The following IGF1R variants were observed in gnomAD, a reference collection of about 807,000 sequenced individuals.
IGF1R encodes the protein insulin like growth factor 1 receptor.
Under a neutral mutation model 144.6 loss-of-function variants are expected in IGF1R, and 44 were observed. That is an observed-to-expected ratio of 0.30 (90% CI 0.24 to 0.39). The LOEUF (loss-of-function observed/expected upper bound fraction) is 0.39. Ranked by LOEUF, IGF1R falls within the 10% of genes least tolerant of loss-of-function variation. The pLI, the probability that IGF1R is intolerant of heterozygous loss-of-function variation, is 1.00. For missense variants in IGF1R, 1,355 were observed against 1,833.7 expected, an observed-to-expected ratio of 0.74 and a Z score of 4.77; for synonymous variants, 795 against 722.8, an observed-to-expected ratio of 1.10 and a Z score of -1.60.
At chr15:98,703,781 T>C (rs1020279617) in intron 1 of IGF1R, among the ~76,000 whole-genome samples, 1 of 152,218 alleles carries the variant, frequency 6.6e-6, no homozygotes. Context: ...TGCATTTTGA[T>C]TGCAGTATGA....
At position 98,957,044 on chromosome 15, in the gene IGF1R, G is replaced by A. The variant is rs372049648; in HGVS notation, c.3723-17G>A. The A allele has an allele frequency of 1.4e-4, 231 of 1,613,862 alleles. No homozygotes were observed. The highest frequency in any genetic ancestry group is 1.8e-4 in the Non-Finnish European group (207 of 1,180,034). On this transcript the variant is annotated splice_polypyrimidine_tract_variant and intron_variant, in intron 20 of 20. Transcript: ENST00000650285. ...GCCCTCCCGGTTTGGACCCCCTCCCGTGTGTCTTGGCTGCAGGTTTGAACT... is the reference window on the plus strand; with the variant it reads ...GCCCTCCCGGTTTGGACCCCCTCCCATGTGTCTTGGCTGCAGGTTTGAACT...
intron 2 of IGF1R, among the ~76,000 whole-genome samples, chr15:98,750,920 C>G (rs2054994650): frequency 6.6e-6 from 1 of 152,100 alleles, no homozygotes; most frequent in East Asian, 1.9e-4. Flanking sequence ...TCCCGAGTAG[C>G]TGGGACTACA....
intron 13 of IGF1R, among the ~76,000 whole-genome samples, chr15:98,928,663 CTCTCCCTTCCTCTCT>C (rs2015820620): frequency 6.6e-6 from 1 of 152,182 alleles, no homozygotes; most frequent in Admixed American, 6.5e-5. Flanking sequence ...CCCTTCTCTC[CTCTCCCTTCCTCTCT>C]GAATTGTTGC....
At chr15:98,874,580 G>C (rs2012957968) in intron 2 of IGF1R, among the ~76,000 whole-genome samples, 1 of 152,220 alleles carries the variant, frequency 6.6e-6, no homozygotes, top group Non-Finnish European at 1.5e-5. Context: ...GGGGACCTGG[G>C]TGTTTAACCC....
rs398028503 is a variant in IGF1R, at chr15:98,680,879, T to TTTA, written c.95-26683_95-26682insTTA. On this transcript the variant is annotated intron_variant, in intron 1 of 20. Coordinates refer to ENST00000650285, the MANE Select transcript of IGF1R (RefSeq NM_000875.5). ...GCCATATGTACTTTTTTTTTTTTTT[T>TTTA]ATCCTTCTTACTATATTTTTATTGT... 6.7e-5 allele frequency among the ~76,000 whole-genome samples: 10 copies of TTTA among 149,376 alleles called. No individual in the cohort carries two copies. In the East Asian group the frequency reaches 1.4e-3, roughly 20 times the overall value.
At chr15:98,919,642 T>G (rs1338467694) in intron 10 of IGF1R, among the ~76,000 whole-genome samples, 2 of 152,242 alleles carry the variant, frequency 1.3e-5, no homozygotes, top group Admixed American at 6.5e-5. Flanking sequence ...CCCCGAGTCC[T>G]TCCTTTCTCT....
intron 2 of IGF1R, among the ~76,000 whole-genome samples, chr15:98,785,654 C>A (rs2055975156): frequency 6.6e-6 from 1 of 152,104 alleles, no homozygotes; most frequent in South Asian, 2.1e-4. Flanking sequence ...TTTGGAAGTA[C>A]TTTGAAGATT....
intron 1 of IGF1R, among the ~76,000 whole-genome samples, chr15:98,655,622 T>C (rs192448692): frequency 2.3e-4 from 35 of 151,928 alleles, no homozygotes; most frequent in Non-Finnish European, 1.2e-4. Context: ...CGTCAAACTA[T>C]AGATGTTACT....
At chr15:98,670,195 T>A (rs2052852721) in intron 1 of IGF1R, among the ~76,000 whole-genome samples, 1 of 152,088 alleles carries the variant, frequency 6.6e-6, no homozygotes, top group African/African-American at 2.4e-5. Flanking sequence ...TGGAACCAGA[T>A]GCTTTTATGA....
At chr15:98,744,287 A>G (rs2054813838) in intron 2 of IGF1R, among the ~76,000 whole-genome samples, 1 of 151,858 alleles carries the variant, frequency 6.6e-6, no homozygotes. Flanking sequence ...CCAGGGAGAG[A>G]GGAGGGTTTT....
intron 2 of IGF1R, among the ~76,000 whole-genome samples, chr15:98,763,044 C>CAAAAAAAAAAAAAAAAAAACAACAAAA (rs58091658): frequency 7.4e-6 from 1 of 134,628 alleles, no homozygotes; most frequent in Non-Finnish European, 1.6e-5. Flanking sequence ...GGTTCCATCT[C>CAAAAAAAAAAAAAAAAAAACAACAAAA]AAAAAAAAAA....
chr15:98,680,077 A>G (rs2053151363), intron 1 of IGF1R, among the ~76,000 whole-genome samples: 1 of 152,184 alleles, frequency 6.6e-6, no homozygotes, highest in Admixed American at 6.5e-5. Context: ...GCTAAGTTTA[A>G]TTTATTATTG....
At position 98,957,763 on chromosome 15, in the gene IGF1R, C is replaced by G. The variant is rs2017065773; in HGVS notation, c.*321C>G. On this transcript the variant is annotated 3_prime_UTR_variant, in exon 21 of 21. Transcript: ENST00000650285. ...CACTCTGTCCCTGTCCTTCCCTGTT[C>G]TCCCTTTCTCTCTCCTCTCTGCTTC... The G allele has an allele frequency of 2.4e-6, 1 of 423,792 alleles. No individual in the cohort carries two copies. The highest frequency in any genetic ancestry group is 4.3e-6 in the Non-Finnish European group (1 of 234,682). 26.3% of individuals were successfully genotyped at this position (423,792 alleles called of 1,614,324 possible). A position where few individuals can be genotyped will look rare whatever the true frequency, so the allele number is the denominator to read the frequency against.
At chr15:98,849,445 A>G (rs535182644) in intron 2 of IGF1R, among the ~76,000 whole-genome samples, 2 of 152,350 alleles carry the variant, frequency 1.3e-5, no homozygotes, top group Non-Finnish European at 2.9e-5. Context: ...GTGTAAACAA[A>G]ACTATGAAAG....
intron 2 of IGF1R, among the ~76,000 whole-genome samples, chr15:98,839,759 C>G (rs566027824): frequency 6.6e-6 from 1 of 152,310 alleles, no homozygotes; most frequent in African/African-American, 2.4e-5. Context: ...TCCACAGTGG[C>G]TGCTTCCTCT....
intron 2 of IGF1R, among the ~76,000 whole-genome samples, chr15:98,725,326 A>C (rs2141286934): frequency 6.6e-6 from 1 of 152,316 alleles, no homozygotes; most frequent in Middle Eastern, 3.4e-3. Flanking sequence ...AAAAACAAAA[A>C]CACACAAAAA....
At position 98,784,293 on chromosome 15, in the gene IGF1R, A is replaced by T. The variant is rs550942001; in HGVS notation, c.640+76186A>T. 2.0e-5 allele frequency: 3 copies of T among 152,390 alleles called. No individual in the cohort carries two copies. The South Asian group carries it at 6.2e-4, about 32-fold the overall frequency. 9.4% of individuals were successfully genotyped at this position (152,390 alleles called of 1,614,324 possible). A position where few individuals can be genotyped will look rare whatever the true frequency, so the allele number is the denominator to read the frequency against. Reference sequence around the variant, plus strand: ...TTTCAGCTCTGGATTATGGTGCTGCAAGCTGATATTCTTCTCATGGCAGTA... The same window carrying T: ...TTTCAGCTCTGGATTATGGTGCTGCTAGCTGATATTCTTCTCATGGCAGTA... On this transcript the variant is annotated intron_variant, in intron 2 of 20. Transcript: ENST00000650285.
At chr15:98,695,266 G>A (rs746188902) in intron 1 of IGF1R, among the ~76,000 whole-genome samples, 13 of 152,084 alleles carry the variant, frequency 8.5e-5, no homozygotes, top group East Asian at 1.9e-4. Flanking sequence ...AGCTTTTTAC[G>A]AGCTCCCTGT....
chr15:98,713,975 A>G (rs555432522), intron 2 of IGF1R, among the ~76,000 whole-genome samples: 2 of 152,262 alleles, frequency 1.3e-5, no homozygotes, highest in South Asian at 4.1e-4. Context: ...CCTTATTTCA[A>G]TTAAAAGGGC....
Sources: allele counts gnomAD v4.1 joint callset (sites outside exome capture counted in the v4.1 genomes callset), GRCh38; gene constraint gnomAD v4.1.1; transcripts MANE v1.5; gene names NCBI Gene and HGNC (gene_info 2026-07-23, HGNC 2026-07-21).